Variants in KCNQ1 observed in about 807,000 individuals in gnomAD.
KCNQ1 encodes potassium voltage-gated channel subfamily Q member 1, also known as potassium voltage-gated channel subfamily KQT member 1.
Under a neutral mutation model 72.4 loss-of-function variants are expected in KCNQ1, and 49 were observed. The observed-to-expected ratio is 0.68, with a 90% CI of 0.54 to 0.86. The LOEUF is 0.86. KCNQ1 is among the 40% of genes least tolerant of loss of function. The pLI is 0.00. For synonymous variants in KCNQ1, 450 were observed against 412.6 expected (o/e 1.09, Z -1.10); for missense variants, 790 against 945.1 (o/e 0.84, Z 2.15).
intron 10 of KCNQ1, chr11:2,629,545 G>A (rs1056389697): frequency 5.0e-6 from 2 of 398,324 alleles, no homozygotes; most frequent in African/African-American, 2.1e-5. Context: ...ATTCTCTCAC[G>A]TGAGGATATC....
In KCNQ1 at chr11:2,849,022, T is replaced by C. The variant is rs945531020; in HGVS notation, c.*1019T>C. The C allele has an allele frequency of 4.4e-6, 2 of 454,170 alleles. No homozygotes were observed. The highest frequency in any genetic ancestry group is 8.8e-6 in the Non-Finnish European group (2 of 226,792). 28.1% of individuals were successfully genotyped at this position (454,170 alleles called of 1,614,324 possible). A position where few individuals can be genotyped will look rare whatever the true frequency, so the allele number is the denominator to read the frequency against. ...GGCTGGGCACTGCTCTCACCTTGGTTCCTGGGGCATCCATGGGGTCTCTCA... is the reference window on the plus strand; with the variant it reads ...GGCTGGGCACTGCTCTCACCTTGGTCCCTGGGGCATCCATGGGGTCTCTCA... On this transcript the variant is annotated 3_prime_UTR_variant, in exon 16 of 16. Transcript: ENST00000155840.
At chr11:2,517,074 C>T (rs768878983) in intron 1 of KCNQ1, among the ~76,000 whole-genome samples, 1 of 152,198 alleles carries the variant, frequency 6.6e-6, no homozygotes, top group African/African-American at 2.4e-5. Context: ...CCAGGCTCCA[C>T]GCTCCGCACT....
intron 15 of KCNQ1, among the ~76,000 whole-genome samples, chr11:2,844,912 T>C (rs1030616120): frequency 4.6e-5 from 7 of 151,494 alleles, no homozygotes; most frequent in Non-Finnish European, 7.4e-5. Context: ...GCAAACCTCG[T>C]TCCACACTAC....
At chr11:2,490,332 C>T (rs554339077) in intron 1 of KCNQ1, among the ~76,000 whole-genome samples, 8 of 152,370 alleles carry the variant, frequency 5.3e-5, no homozygotes, top group Non-Finnish European at 7.3e-5. Flanking sequence ...TCTGGACCCA[C>T]CTTGGACTTG....
intron 1 of KCNQ1, among the ~76,000 whole-genome samples, chr11:2,523,749 C>T (rs1253634719): frequency 1.4e-5 from 1 of 69,048 alleles, no homozygotes; most frequent in Non-Finnish European, 3.1e-5. Flanking sequence ...AGGAAGTTTA[C>T]AGTTTTTTTT....
chr11:2,754,588 G>A (rs1423982225), intron 11 of KCNQ1, among the ~76,000 whole-genome samples: 3 of 152,158 alleles, frequency 2.0e-5, no homozygotes, highest in Non-Finnish European at 4.4e-5. Flanking sequence ...TACAAATGTG[G>A]GACATTGGCA....
rs200160448 is a variant in KCNQ1 at position 2,588,672 on chromosome 11, G to A, written c.1252-41G>A. Reference sequence around the variant, plus strand: ...GGGGCCGGCGTAGGGCCTGGCAGACGATGTCCAGGAACCGCTAATCTGTTG... The same window carrying A: ...GGGGCCGGCGTAGGGCCTGGCAGACAATGTCCAGGAACCGCTAATCTGTTG... On this transcript the variant is annotated intron_variant, in intron 9 of 15. Coordinates refer to ENST00000155840, the MANE Select transcript of KCNQ1 (RefSeq NM_000218.3). This position sits in a 1 kb window ranked among gnomAD's most constrained non-coding sequence, Gnocchi z 5.6. The A allele has an allele frequency of 5.3e-4, 854 of 1,611,194 alleles. 4 individuals carry two copies. In the African/African-American group the frequency reaches 0.01, roughly 19 times the overall value.
Position 2,826,454 on chromosome 11 carries a change from GCAGA to G in KCNQ1, c.1795-21309_1795-21306del, listed in dbSNP as rs1327914957. On this transcript the variant is annotated intron_variant, in intron 15 of 15. Transcript: ENST00000155840. This position sits in a 1 kb window ranked among gnomAD's most constrained non-coding sequence, Gnocchi z 4.2. ...GATGGAAACCGCCGTGCGGTTCCGC[GCAGA>G]CAGTCACGGAAACTCAGGCAGACCC... 6.6e-5 allele frequency among the ~76,000 whole-genome samples: 10 copies of G among 152,214 alleles called. No individual in the cohort carries two copies. Among genetic ancestry groups the G allele is most frequent in the Non-Finnish European group, 1.2e-4 (8 of 68,034 alleles).
At position 2,462,136 on chromosome 11, in the gene KCNQ1, T is replaced by C. The variant is rs1239868730; in HGVS notation, c.386+16652T>C. On this transcript the variant is annotated intron_variant, in intron 1 of 15. Coordinates refer to ENST00000155840, the MANE Select transcript of KCNQ1 (RefSeq NM_000218.3). This position sits in a 1 kb window ranked among gnomAD's most constrained non-coding sequence, Gnocchi z 8.2. ...TGGGCTGAGGGGGCGTTGCTGTGGG[T>C]GTATCTCATGGAGAGCCCCAAGGAG... 2.0e-5 allele frequency among the ~76,000 whole-genome samples: 3 copies of C among 151,902 alleles called. No individual in the cohort carries two copies. The highest frequency in any genetic ancestry group is 6.6e-5 in the Admixed American group (1 of 15,266).
At chr11:2,697,046 GA>G (rs1850689283) in intron 11 of KCNQ1, 1 of 398,270 alleles carries the variant, frequency 2.5e-6, no homozygotes, top group South Asian at 1.3e-4. Context: ...ACCCTTTCAG[GA>G]AAGGTCAAAA....
chr11:2,501,950 G>A (rs1345002424), intron 1 of KCNQ1, among the ~76,000 whole-genome samples: 2 of 152,126 alleles, frequency 1.3e-5, no homozygotes, highest in African/African-American at 4.8e-5. Flanking sequence ...AAAACCACAT[G>A]AGCATTTCAA....
chr11:2,602,814 G>T lies in KCNQ1; in HGVS notation c.1393+13960G>T, dbSNP rs1848826002. 6.6e-6 allele frequency among the ~76,000 whole-genome samples: 1 copy of T among 152,094 alleles called. No homozygotes were observed. Among genetic ancestry groups the T allele is most frequent in the Admixed American group, 6.5e-5 (1 of 15,270 alleles). On this transcript the variant is annotated intron_variant, in intron 10 of 15. Coordinates refer to ENST00000155840, the MANE Select transcript of KCNQ1 (RefSeq NM_000218.3). This position sits in a 1 kb window ranked among gnomAD's most constrained non-coding sequence, Gnocchi z 4.8. ...TTTTGGGAGATGTTTATATATTCTA[G>T]ATACTTATCTTAAGTCAGAAACAGG...
intron 1 of KCNQ1, among the ~76,000 whole-genome samples, chr11:2,455,308 C>T (rs1387607380): frequency 2.0e-5 from 3 of 151,536 alleles, no homozygotes; most frequent in Non-Finnish European, 2.9e-5. Context: ...CCGTGTTAGC[C>T]AGGATGGTCT....
At chr11:2,760,410 G>A (rs1463937465) in intron 11 of KCNQ1, among the ~76,000 whole-genome samples, 4 of 152,234 alleles carry the variant, frequency 2.6e-5, no homozygotes, top group South Asian at 2.1e-4. Context: ...ATTAATGAAT[G>A]AACAGGTGAG....
intron 10 of KCNQ1, chr11:2,643,963 A>G (rs1849622458): frequency 2.5e-6 from 1 of 398,380 alleles, no homozygotes; most frequent in African/African-American, 2.1e-5. Context: ...CTGCTGAAAA[A>G]TCTGTTAGTC....
At chr11:2,672,475 C>A (rs1189925675) in intron 11 of KCNQ1, 2 of 398,522 alleles carry the variant, frequency 5.0e-6, no homozygotes, top group Admixed American at 8.8e-5. Flanking sequence ...TCCCTAAGGT[C>A]CCCACATTCC....
chr11:2,760,692 C>A (rs913664265), intron 11 of KCNQ1, among the ~76,000 whole-genome samples: 20 of 152,222 alleles, frequency 1.3e-4, no homozygotes, highest in Non-Finnish European at 4.4e-5. Flanking sequence ...CTTCACGGCC[C>A]AGTGAGCCCA....
intron 1 of KCNQ1, among the ~76,000 whole-genome samples, chr11:2,522,549 C>T (rs1188130876): frequency 6.6e-6 from 1 of 152,224 alleles, no homozygotes; most frequent in Non-Finnish European, 1.5e-5. Flanking sequence ...CCGCCCGAGA[C>T]AAGAATAGAT....
chr11:2,502,869 C>G (rs1847040049), intron 1 of KCNQ1, among the ~76,000 whole-genome samples: 1 of 152,040 alleles, frequency 6.6e-6, no homozygotes, highest in Non-Finnish European at 1.5e-5. Flanking sequence ...GAAAACCCAG[C>G]AAACAAATCC....
Sources: allele counts gnomAD v4.1 joint callset (sites outside exome capture counted in the v4.1 genomes callset), GRCh38; gene constraint gnomAD v4.1.1; non-coding constraint Gnocchi (gnomAD v3.1); transcripts MANE v1.5; gene names NCBI Gene and HGNC (gene_info 2026-07-23, HGNC 2026-07-21).